The following ADAMTS20 variants were observed in gnomAD, a reference collection of about 807,000 sequenced individuals.
The protein encoded by ADAMTS20 is ADAM metallopeptidase with thrombospondin type 1 motif 20, also known as A disintegrin and metalloproteinase with thrombospondin motifs 20.
Under a neutral mutation model 260.1 loss-of-function variants are expected in ADAMTS20, and 225 were observed. The observed-to-expected ratio is 0.87, with a 90% CI of 0.78 to 0.97. ADAMTS20 has a LOEUF of 0.97. Ranked by LOEUF, ADAMTS20 falls within the 50% of genes least tolerant of loss-of-function variation. The pLI is 0.00. For synonymous variants in ADAMTS20, 802 were observed against 769.5 expected (o/e 1.04, Z -0.70); for missense variants, 2,400 against 2,337.7 (o/e 1.03, Z -0.55).
chr12:43,500,221 G>T (rs1942738365), intron 4 of ADAMTS20, among the ~76,000 whole-genome samples: 1 of 151,936 alleles, frequency 6.6e-6, no homozygotes, highest in Non-Finnish European at 1.5e-5. Flanking sequence ...TAGAGACATG[G>T]TTTCACTATG....
chr12:43,456,362 T>C (rs556072528), intron 11 of ADAMTS20, among the ~76,000 whole-genome samples: 1 of 152,212 alleles, frequency 6.6e-6, no homozygotes, highest in South Asian at 2.1e-4. Context: ...AAGAAAACAA[T>C]AGCAACAACA....
At chr12:43,367,963 C>T (rs559495797) in intron 37 of ADAMTS20, among the ~76,000 whole-genome samples, 1 of 152,140 alleles carries the variant, frequency 6.6e-6, no homozygotes, top group Non-Finnish European at 1.5e-5. Context: ...ACCTACTGCC[C>T]TATTAATGCC....
intron 3 of ADAMTS20, among the ~76,000 whole-genome samples, chr12:43,516,664 G>A (rs566465214): frequency 2.5e-4 from 38 of 151,966 alleles, no homozygotes; most frequent in African/African-American, 8.7e-4. Context: ...AGCTTATATC[G>A]TATGGTCCAT....
intron 2 of ADAMTS20, among the ~76,000 whole-genome samples, chr12:43,539,920 A>G (rs1295872386): frequency 1.3e-5 from 2 of 149,450 alleles, no homozygotes; most frequent in Admixed American, 6.7e-5. Context: ...GTCTCACTCT[A>G]TCGCCAGGCT....
At chr12:43,399,839 A>G (rs1447219882) in intron 28 of ADAMTS20, among the ~76,000 whole-genome samples, 3 of 152,098 alleles carry the variant, frequency 2.0e-5, no homozygotes, top group Admixed American at 6.6e-5. Flanking sequence ...TTAAAAATAT[A>G]GGTAAAATAA....
At chr12:43,382,140 C>A (rs889817330) in intron 31 of ADAMTS20, among the ~76,000 whole-genome samples, 1 of 152,074 alleles carries the variant, frequency 6.6e-6, no homozygotes, top group Non-Finnish European at 1.5e-5. Flanking sequence ...TAGGTATATG[C>A]CCAAGAAAAT....
chr12:43,388,760 G>A (rs1344600001), intron 29 of ADAMTS20, among the ~76,000 whole-genome samples: 7 of 152,168 alleles, frequency 4.6e-5, no homozygotes, highest in African/African-American at 1.7e-4. Context: ...TGTTCAGGCT[G>A]CTATAACAAA....
chr12:43,373,154 A>T (rs1367625446), intron 36 of ADAMTS20, among the ~76,000 whole-genome samples: 1 of 152,212 alleles, frequency 6.6e-6, no homozygotes, highest in Non-Finnish European at 1.5e-5. Context: ...ATTTAATTTA[A>T]TCAAGGCTGG....
At chr12:43,354,985 T>C (rs2137175094) in intron 38 of ADAMTS20, among the ~76,000 whole-genome samples, 1 of 152,326 alleles carries the variant, frequency 6.6e-6, no homozygotes, top group Middle Eastern at 3.4e-3. Context: ...CTCACGTCTT[T>C]AGGTCTAAAA....
chr12:43,368,103 C>A (rs1368338926), intron 37 of ADAMTS20, among the ~76,000 whole-genome samples: 2 of 151,974 alleles, frequency 1.3e-5, no homozygotes, highest in Admixed American at 1.3e-4. Flanking sequence ...TGATTCAAAC[C>A]CTTCTTTCTT....
At chr12:43,394,054 A>C (rs1940650751) in intron 29 of ADAMTS20, among the ~76,000 whole-genome samples, 2 of 152,152 alleles carry the variant, frequency 1.3e-5, no homozygotes, top group African/African-American at 4.8e-5. Flanking sequence ...GAAAGTATGA[A>C]GATGTGAGGA....
At chr12:43,358,881 G>A (rs904438774) in intron 37 of ADAMTS20, among the ~76,000 whole-genome samples, 1 of 145,546 alleles carries the variant, frequency 6.9e-6, no homozygotes, top group East Asian at 2.0e-4. Flanking sequence ...AGAACTATAA[G>A]TGCCATAAAA....
intron 3 of ADAMTS20, among the ~76,000 whole-genome samples, chr12:43,513,847 T>C (rs1942958301): frequency 7.0e-6 from 1 of 141,914 alleles, no homozygotes; most frequent in African/African-American, 2.6e-5. Flanking sequence ...CACTCATAGG[T>C]AGGAATTGAA....
At chr12:43,446,382 G>A (rs1042944683) in intron 15 of ADAMTS20, among the ~76,000 whole-genome samples, 4 of 152,144 alleles carry the variant, frequency 2.6e-5, no homozygotes, top group Non-Finnish European at 5.9e-5. Flanking sequence ...AATCAGATTT[G>A]CCTGGGGCAG....
In ADAMTS20 at chr12:43,537,216, G is replaced by GT. The variant is rs138641821; in HGVS notation, c.454-5022dup. On this transcript the variant is annotated intron_variant, in intron 2 of 38. Transcript: ENST00000389420. ...TCCCATAACTGGCGGAATTTTGAAGGTTTTTTTTTTGTATTTTTGGTAGAG... is the reference window on the plus strand; with the variant it reads ...TCCCATAACTGGCGGAATTTTGAAGGTTTTTTTTTTTGTATTTTTGGTAGAG... Among the ~76,000 whole-genome samples the GT allele has an allele frequency of 9.2e-3, 1,353 of 147,378 alleles. 24 individuals carry two copies. Among genetic ancestry groups the GT allele is most frequent in the African/African-American group, 0.032 (1,279 of 40,180 alleles).
chr12:43,443,728 TACAGACTTCCATGAAA>T, intron 16 of ADAMTS20, 47 bp downstream of exon 16: 1 of 1,335,636 alleles, frequency 7.5e-7, no homozygotes. Flanking sequence ...TCACATCAAC[TACAGACTTCCATGAAA>T]TTGCACATAA....
Position 43,425,515 on chromosome 12 carries a change from G to A in ADAMTS20, c.4283C>T (p.Ser1428Leu), listed in dbSNP as rs151062458. 5.3e-4 allele frequency: 795 copies of A among 1,505,714 alleles called. 1 individual carries two copies. The highest frequency in any genetic ancestry group is 6.8e-4 in the Non-Finnish European group (756 of 1,115,534). 93.3% of individuals were successfully genotyped at this position (1,505,714 alleles called of 1,614,324 possible). ...DVSWHQEPWT[S>L]CSASCGKGRK... is the part of the protein sequence containing the mutation. ...TAACAGACAAGAGTGCTATCATACCGATGTCCATGGTTCCTGATGCCATGA... is the reference window on the plus strand; with the variant it reads ...TAACAGACAAGAGTGCTATCATACCAATGTCCATGGTTCCTGATGCCATGA... Residue 1428 changes from serine (S) to leucine (L), a missense_variant and splice_region_variant, in exon 28 of 39, where the codon TCG becomes TTG. Coordinates refer to ENST00000389420, the MANE Select transcript of ADAMTS20 (RefSeq NM_025003.5).
chr12:43,500,308 C>T (rs532339141), intron 4 of ADAMTS20, among the ~76,000 whole-genome samples: 3 of 152,290 alleles, frequency 2.0e-5, no homozygotes, highest in South Asian at 4.1e-4. Context: ...CGATTACAGG[C>T]GTGAGCCACT....
chr12:43,448,889 G>T lies in ADAMTS20; in HGVS notation c.2080-2177C>A, dbSNP rs532576159. Among the ~76,000 whole-genome samples the T allele has an allele frequency of 5.3e-5, 8 of 151,976 alleles. No homozygotes were observed. The South Asian group carries it at 6.2e-4, about 12-fold the overall frequency. ...CAGCCAACAAGCCTACAAAAAAAGC[G>T]CAATATCACTGATCATTAGAGAAAT... On this transcript the variant is annotated intron_variant, in intron 14 of 38. Transcript: ENST00000389420.
Sources: gnomAD v4.1 joint callset for allele counts (sites outside exome capture counted in the v4.1 genomes callset) on GRCh38, gnomAD v4.1.1 for gene constraint, MANE v1.5 for transcripts, NCBI Gene and HGNC (gene_info 2026-07-23, HGNC 2026-07-21) for gene names.